NAV2: variants seen among roughly 807,000 people sequenced by gnomAD.
NAV2 encodes the protein neuron navigator 2, also known as helicase, APC down-regulated 1.
In NAV2, 54 loss-of-function variants were observed where a neutral mutation model predicts 223.2. The observed-to-expected ratio is 0.24, with a 90% CI of 0.19 to 0.30. The LOEUF (loss-of-function observed/expected upper bound fraction) is 0.30. NAV2 is among the 10% of genes least tolerant of loss of function. NAV2 has a pLI of 1.00. For missense variants in NAV2, 2,806 were observed against 3,147.5 expected (o/e 0.89, Z 2.60); for synonymous variants, 1,279 against 1,239.3 (o/e 1.03, Z -0.67).
chr11:19,745,435 G>A (rs544449292), intron 1 of NAV2, among the ~76,000 whole-genome samples: 6 of 152,280 alleles, frequency 3.9e-5, no homozygotes, highest in African/African-American at 1.4e-4. Flanking sequence ...TCTGCCTAAT[G>A]GGTAAGTTGG....
In NAV2 at chr11:19,823,881, C is replaced by T. The variant is rs999326875; in HGVS notation, c.268-8603C>T. Among the ~76,000 whole-genome samples the T allele has an allele frequency of 9.4e-5, 14 of 148,502 alleles. No homozygotes were observed. In the East Asian group the frequency reaches 2.0e-3, roughly 21 times the overall value. Reference sequence around the variant, plus strand: ...TGTATACCTATGTAACAAACCTGCACGTTCTACACACATATCTGAGAACTT... The same window carrying T: ...TGTATACCTATGTAACAAACCTGCATGTTCTACACACATATCTGAGAACTT... On this transcript the variant is annotated intron_variant, in intron 1 of 37. Transcript: ENST00000349880.
At chr11:19,508,355 C>G (rs1222057015) in intron 1 of NAV2, among the ~76,000 whole-genome samples, 1 of 152,136 alleles carries the variant, frequency 6.6e-6, no homozygotes, top group African/African-American at 2.4e-5. Context: ...TGACCTTTGT[C>G]CTCTTCCAAA....
chr11:19,540,940 G>C (rs996587785), intron 1 of NAV2, among the ~76,000 whole-genome samples: 7 of 152,156 alleles, frequency 4.6e-5, no homozygotes, highest in Non-Finnish European at 1.5e-5. Flanking sequence ...GGGAAGGGAA[G>C]AGAAGACAAG....
In NAV2 at chr11:19,832,505, C is replaced by T; in HGVS notation, c.289C>T (p.His97Tyr). 6.2e-7 allele frequency: 1 copy of T among 1,614,034 alleles called. No individual in the cohort carries two copies. The highest frequency in any genetic ancestry group is 1.1e-5 in the South Asian group (1 of 91,082). Residue 97 changes from histidine (H) to tyrosine (Y), a missense_variant, in exon 2 of 38, where the codon CAT (histidine) becomes TAT (tyrosine). His to Tyr is a moderately conservative substitution (Grantham distance 83, BLOSUM62 2). Around this residue, in one of 4 missense-constraint regions of NAV2, gnomAD observed 1,167 missense variants for 1,180.5 expected, o/e 0.99. Transcript: ENST00000349880. ...DTQIYTDWAN[H>Y]YLAKSGHKRL... The stretch of plus-strand genomic sequence containing the variant: ...ACAGATCTACACAGACTGGGCCAAT[C>T]ATTACCTAGCCAAATCCGGCCACAA...
chr11:19,836,526 C>T lies in NAV2; in HGVS notation c.385+3925C>T, dbSNP rs373076551. Among the ~76,000 whole-genome samples, 10 of 149,454 alleles carry T rather than the reference C, an allele frequency of 6.7e-5. No individual in the cohort carries two copies. In the East Asian group the frequency reaches 1.2e-3, roughly 18 times the overall value. On this transcript the variant is annotated intron_variant, in intron 2 of 37. Coordinates refer to ENST00000349880, the MANE Select transcript of NAV2 (RefSeq NM_145117.5). ...GAGCCGAGATTGCGCCACTGCAGTC[C>T]GCAGTCCGGCCTGGGCGACAGAGCG...
At chr11:19,719,694 T>C (rs2050604799) in intron 1 of NAV2, among the ~76,000 whole-genome samples, 1 of 152,192 alleles carries the variant, frequency 6.6e-6, no homozygotes, top group Non-Finnish European at 1.5e-5. Flanking sequence ...GCTGAGTACA[T>C]GAAAAGACAG....
intron 11 of NAV2, among the ~76,000 whole-genome samples, chr11:20,029,803 A>G (rs114711646): frequency 4.6e-5 from 7 of 152,378 alleles, no homozygotes; most frequent in African/African-American, 1.4e-4. Context: ...TGTGAAGGTT[A>G]TTTTAAAATC....
At chr11:20,105,793 G>A (rs867682943) in intron 35 of NAV2, 66 bp downstream of exon 35, 2 of 1,290,486 alleles carry the variant, frequency 1.5e-6, no homozygotes, top group East Asian at 2.3e-5. Flanking sequence ...CTGGGCCCTG[G>A]CCAGGACAGC....
chr11:19,446,953 T>G (rs1851607641), intron 1 of NAV2, among the ~76,000 whole-genome samples: 1 of 152,098 alleles, frequency 6.6e-6, no homozygotes, highest in Non-Finnish European at 1.5e-5. Context: ...GTGATTCTAC[T>G]TCTCTCCAAG....
Position 19,972,189 on chromosome 11 carries a change from T to C in NAV2, c.2646-11936T>C, listed in dbSNP as rs192426338. On this transcript the variant is annotated intron_variant, in intron 10 of 37. Coordinates refer to ENST00000349880, the MANE Select transcript of NAV2 (RefSeq NM_145117.5). ...GCTACAGAATGCATTATCAAAAACA[T>C]TGGGCCTTGAACATACTTTTCAAAT... Among the ~76,000 whole-genome samples the C allele has an allele frequency of 5.3e-5, 8 of 152,338 alleles. No homozygotes were observed. In the East Asian group the frequency reaches 5.8e-4, roughly 11 times the overall value.
At chr11:19,542,635 G>A (rs566672613) in intron 1 of NAV2, among the ~76,000 whole-genome samples, 3 of 152,250 alleles carry the variant, frequency 2.0e-5, no homozygotes, top group Non-Finnish European at 4.4e-5. Context: ...GACCCCAAAT[G>A]TCCAGAGGTT....
At chr11:19,653,018 C>A (rs1565139698) in intron 1 of NAV2, among the ~76,000 whole-genome samples, 1 of 152,094 alleles carries the variant, frequency 6.6e-6, no homozygotes, top group Non-Finnish European at 1.5e-5. Flanking sequence ...CAGAGATTGT[C>A]CAGCCACAGA....
At chr11:19,784,767 T>C (rs796909757) in intron 1 of NAV2, among the ~76,000 whole-genome samples, 9 of 152,308 alleles carry the variant, frequency 5.9e-5, no homozygotes, top group African/African-American at 2.2e-4. Context: ...TCTTTGTACC[T>C]CAGTTTCCTC....
chr11:19,534,421 T>A (rs2044124186), intron 1 of NAV2, among the ~76,000 whole-genome samples: 1 of 152,176 alleles, frequency 6.6e-6, no homozygotes, highest in Non-Finnish European at 1.5e-5. Flanking sequence ...CCAGGCTCTG[T>A]GCTAGGAGCT....
At chr11:19,626,863 T>G (rs1355687633) in intron 1 of NAV2, among the ~76,000 whole-genome samples, 2 of 152,224 alleles carry the variant, frequency 1.3e-5, no homozygotes, top group African/African-American at 4.8e-5. Context: ...CCTAGGAAAG[T>G]GACTTAAGCT....
intron 1 of NAV2, among the ~76,000 whole-genome samples, chr11:19,552,116 G>A (rs2044709819): frequency 6.6e-6 from 1 of 152,300 alleles, no homozygotes; most frequent in Non-Finnish European, 1.5e-5. Flanking sequence ...CCTGGAGAAG[G>A]CAGCAAGACT....
At chr11:19,424,814 G>A (rs968795307) in intron 1 of NAV2, among the ~76,000 whole-genome samples, 5 of 152,090 alleles carry the variant, frequency 3.3e-5, no homozygotes, top group African/African-American at 1.2e-4. Flanking sequence ...GCCTCCCAAA[G>A]CGCTAGGATT....
At chr11:19,707,443 A>G (rs981175176) in intron 1 of NAV2, among the ~76,000 whole-genome samples, 1 of 152,210 alleles carries the variant, frequency 6.6e-6, no homozygotes, top group African/African-American at 2.4e-5. Context: ...TGAAGACACA[A>G]ACAGACACAT....
At chr11:19,965,068 C>T (rs948756524) in intron 10 of NAV2, among the ~76,000 whole-genome samples, 4 of 152,144 alleles carry the variant, frequency 2.6e-5, no homozygotes, top group African/African-American at 9.7e-5. Context: ...ATCCACCCCA[C>T]TCAGCCTCCC....
Sources: gnomAD v4.1 joint callset for allele counts (sites outside exome capture counted in the v4.1 genomes callset) on GRCh38, gnomAD v4.1.1 for gene constraint, gnomAD v4.1.1 regional missense constraint, MANE v1.5 for transcripts, NCBI Gene and HGNC (gene_info 2026-07-23, HGNC 2026-07-21) for gene names.